Variants in ARHGEF17 observed in about 807,000 individuals in gnomAD.
The protein encoded by ARHGEF17 is 164 kDa Rho-specific guanine-nucleotide exchange factor.
A neutral mutation model predicts 174.0 loss-of-function variants in ARHGEF17; 80 were observed. The ratio of observed to expected loss-of-function variants is 0.46; its 90% CI spans 0.38 to 0.55. ARHGEF17 has a LOEUF of 0.55. Ranked by LOEUF, ARHGEF17 falls within the 20% of genes least tolerant of loss-of-function variation. The probability of loss-of-function intolerance (pLI) is 0.00; values close to 1 mark genes in which losing one functional copy is unlikely to be tolerated. For synonymous variants in ARHGEF17, 1,311 were observed against 1,189.1 expected (o/e 1.10, Z -2.11); for missense variants, 2,886 against 2,839.7 (o/e 1.02, Z -0.37).
Position 73,360,507 on chromosome 11 carries a change from C to T in ARHGEF17, c.4394C>T (p.Ala1465Val), listed in dbSNP as rs2298808. 31 of 1,613,818 alleles carry T rather than the reference C, an allele frequency of 1.9e-5. 1 individual carries two copies. In the South Asian group the frequency reaches 3.1e-4, roughly 16 times the overall value. Residue 1465 changes from alanine to valine, a missense_variant, in exon 11 of 21, where the codon GCC (alanine) becomes GTC (valine). Physicochemically the swap from Ala to Val is moderately conservative, Grantham distance 64 (BLOSUM62 0). Coordinates refer to ENST00000263674, the MANE Select transcript of ARHGEF17 (RefSeq NM_014786.4). ...HPDARLGFEQ[A>V]FDEAKRKLAS... ...GACGCCCGCCTTGGTTTTGAACAGG[C>T]CTTCGATGAGGCCAAGAGGAAGCTG...
At chr11:73,356,887 C>G in intron 7 of ARHGEF17, 128 bp downstream of exon 7, 1 of 1,503,840 alleles carries the variant, frequency 6.6e-7, no homozygotes, top group Non-Finnish European at 9.2e-7. Context: ...CGAGTCCCCA[C>G]TCTGCTCTGA....
chr11:73,361,488 A>G (rs1272727115), intron 12 of ARHGEF17, among the ~76,000 whole-genome samples: 5 of 152,176 alleles, frequency 3.3e-5, no homozygotes, highest in East Asian at 1.9e-4. Context: ...GCATGTATCC[A>G]TGATTATATC....
rs1192905396 is a variant in ARHGEF17, at chr11:73,329,373, A to ATT, written c.3193-17495_3193-17494dup. On this transcript the variant is annotated intron_variant, in intron 1 of 20. Transcript: ENST00000263674. ...TATATATATATATATATATATATAT[A>ATT]TTTTTTTTTTTTTTTTGTATTTTGG... Among the ~76,000 whole-genome samples the ATT allele has an allele frequency of 7.6e-4, 10 of 13,166 alleles. 2 individuals carry two copies. The highest frequency in any genetic ancestry group is 1.5e-3 in the African/African-American group (3 of 1,978). 8.6% of individuals were successfully genotyped at this position (13,166 alleles called of 152,430 possible). A position where few individuals can be genotyped will look rare whatever the true frequency, so the allele number is the denominator to read the frequency against.
At chr11:73,366,784 A>G (rs1865846653) in intron 20 of ARHGEF17, among the ~76,000 whole-genome samples, 1 of 152,170 alleles carries the variant, frequency 6.6e-6, no homozygotes, top group Admixed American at 6.5e-5. Flanking sequence ...TGACACCTGT[A>G]ATCCCAGCAC....
At chr11:73,342,956 G>C in intron 1 of ARHGEF17, 2 of 190,206 alleles carry the variant, frequency 1.1e-5, no homozygotes, top group Non-Finnish European at 2.1e-5. Flanking sequence ...CAGCGCCGCC[G>C]GCGGCCGGGC....
At chr11:73,315,327 A>C (rs1001021562) in intron 1 of ARHGEF17, among the ~76,000 whole-genome samples, 1 of 152,164 alleles carries the variant, frequency 6.6e-6, no homozygotes, top group Non-Finnish European at 1.5e-5. Flanking sequence ...TGCTAGGTCT[A>C]AGGTCACACA....
rs555303913 is a variant in ARHGEF17, at chr11:73,335,695, T to C, written c.3193-11188T>C. ...GGCTTCAGCTTCCTCACTGGAGCCA[T>C]AGGCTTAATCCTGAAGCCTGAAATC... On this transcript the variant is annotated intron_variant, in intron 1 of 20. Coordinates refer to ENST00000263674, the MANE Select transcript of ARHGEF17 (RefSeq NM_014786.4). Among the ~76,000 whole-genome samples the C allele has an allele frequency of 7.7e-4, 117 of 152,322 alleles. No homozygotes were observed. In the South Asian group the frequency reaches 9.7e-3, roughly 13 times the overall value.
chr11:73,360,598 C>T (rs1283215727), intron 11 of ARHGEF17, 65 bp downstream of exon 11: 1 of 1,568,078 alleles, frequency 6.4e-7, no homozygotes. Flanking sequence ...AGAGGCATCT[C>T]ACAGCTGTCT....
intron 7 of ARHGEF17, 97 bp downstream of exon 7, chr11:73,356,856 C>G: frequency 6.4e-7 from 1 of 1,572,222 alleles, no homozygotes; most frequent in Non-Finnish European, 8.7e-7. Context: ...CCTGCTCTTT[C>G]ACCCCGAGGG....
intron 1 of ARHGEF17, among the ~76,000 whole-genome samples, chr11:73,315,486 C>T (rs1864913494): frequency 2.0e-5 from 3 of 152,274 alleles, no homozygotes; most frequent in Non-Finnish European, 2.9e-5. Context: ...CCCCTTTTGG[C>T]GGGGAACCTG....
intron 9 of ARHGEF17, among the ~76,000 whole-genome samples, chr11:73,358,539 C>A (rs912792892): frequency 8.4e-5 from 12 of 142,870 alleles, no homozygotes; most frequent in African/African-American, 3.0e-4. Context: ...CTCACTGTAA[C>A]CTCTGCCTGC....
At chr11:73,357,700 C>T (rs1375620688) in intron 9 of ARHGEF17, among the ~76,000 whole-genome samples, 3 of 152,238 alleles carry the variant, frequency 2.0e-5, no homozygotes, top group African/African-American at 7.2e-5. Flanking sequence ...AGGGAACAGA[C>T]ACTCGCTTGA....
At chr11:73,329,600 A>C (rs1591733017) in intron 1 of ARHGEF17, among the ~76,000 whole-genome samples, 1 of 151,282 alleles carries the variant, frequency 6.6e-6, no homozygotes, top group African/African-American at 2.4e-5. Context: ...GGAGTTCACC[A>C]TGTTGGCCTC....
At position 73,357,034 on chromosome 11, in the gene ARHGEF17, G is replaced by A. The variant is rs770987118; in HGVS notation, c.3901G>A (p.Gly1301Ser). 1.4e-5 allele frequency: 22 copies of A among 1,614,004 alleles called. No homozygotes were observed. The highest frequency in any genetic ancestry group is 2.2e-5 in the East Asian group (1 of 44,880). ...QEMVIEVKAI[G>S]GKKDRSLFLF... The stretch of plus-strand genomic sequence containing the variant: ...GCCTTGGGCTCCACAGAAGGCGATC[G>A]GTGGCAAGAAGGACCGGTCTCTCTT... Residue 1301 changes from glycine (G) to serine (S), a missense_variant, in exon 8 of 21, where the codon GGT becomes AGT. Coordinates refer to ENST00000263674, the MANE Select transcript of ARHGEF17 (RefSeq NM_014786.4).
chr11:73,361,207 C>G, intron 12 of ARHGEF17, 46 bp downstream of exon 12: 3 of 1,573,606 alleles, frequency 1.9e-6, no homozygotes, highest in Non-Finnish European at 2.6e-6. Context: ...TCAAAGCCAG[C>G]AGGTGTTCAT....
intron 1 of ARHGEF17, among the ~76,000 whole-genome samples, chr11:73,335,517 G>A (rs59376886): frequency 0.071 from 10,721 of 151,958 alleles, 1,213 homozygotes; most frequent in African/African-American, 0.24. Context: ...GAAATTGGGA[G>A]GGAGGGGGGC....
chr11:73,320,386 A>G (rs1864997242), intron 1 of ARHGEF17, among the ~76,000 whole-genome samples: 1 of 151,794 alleles, frequency 6.6e-6, no homozygotes, highest in Non-Finnish European at 1.5e-5. Context: ...CTGTAATCCC[A>G]GCACTTTGAG....
At position 73,308,388 on chromosome 11, in the gene ARHGEF17, G is replaced by A. The variant is rs1352422140; in HGVS notation, c.-251G>A. 2 of 386,374 alleles carry A rather than the reference G, an allele frequency of 5.2e-6. No individual in the cohort carries two copies. Among genetic ancestry groups the A allele is most frequent in the African/African-American group, 2.1e-5 (1 of 47,962 alleles). 23.9% of individuals were successfully genotyped at this position (386,374 alleles called of 1,614,324 possible). A position where few individuals can be genotyped will look rare whatever the true frequency, so the allele number is the denominator to read the frequency against. On this transcript the variant is annotated 5_prime_UTR_variant, in exon 1 of 21. Coordinates refer to ENST00000263674, the MANE Select transcript of ARHGEF17 (RefSeq NM_014786.4). ...TGCCGCGGTGCCCCTGGTCGCTCCA[G>A]CCGCGGCGGGGGCTGGGCCTGGGGG...
At chr11:73,356,008 C>T in intron 5 of ARHGEF17, 55 bp downstream of exon 5, 1 of 1,607,072 alleles carries the variant, frequency 6.2e-7, no homozygotes, top group Non-Finnish European at 8.5e-7. Context: ...TGGGGGGATA[C>T]AAGGAGGTCT....
Sources: gnomAD v4.1 joint callset for allele counts (sites outside exome capture counted in the v4.1 genomes callset) on GRCh38, gnomAD v4.1.1 for gene constraint, MANE v1.5 for transcripts, NCBI Gene and HGNC (gene_info 2026-07-23, HGNC 2026-07-21) for gene names.